The following SYNJ1 variants were observed in gnomAD, a reference collection of about 807,000 sequenced individuals.
SYNJ1 encodes the protein polyphosphatidylinositol phosphatase SYNJ1.
In SYNJ1, 78 loss-of-function variants were observed where a neutral mutation model predicts 168.2. That is an observed-to-expected ratio of 0.46 (90% CI 0.39 to 0.56). The LOEUF is 0.56. Among genes scored for constraint, SYNJ1 ranks in the 20% least tolerant of loss-of-function variants. The pLI, the probability that SYNJ1 is intolerant of heterozygous loss-of-function variation, is 0.00. For synonymous variants in SYNJ1, 539 were observed against 548.6 expected (o/e 0.98, Z 0.24); for missense variants, 1,303 against 1,597.6 (o/e 0.82, Z 3.14).
intron 27 of SYNJ1, 140 bp downstream of exon 27, chr21:32,643,270 T>A: frequency 1.3e-6 from 1 of 790,270 alleles, no homozygotes; most frequent in Non-Finnish European, 2.1e-6. Context: ...AAGGTATACA[T>A]AAGGAGGGGA....
chr21:32,699,750 T>G (rs2042332821), intron 4 of SYNJ1, 88 bp downstream of exon 4: 1 of 1,483,536 alleles, frequency 6.7e-7, no homozygotes, highest in Non-Finnish European at 9.1e-7. Context: ...CCTCCTTTCT[T>G]GCTGTCACGG....
chr21:32,658,837 G>A (rs1453576984), intron 18 of SYNJ1, among the ~76,000 whole-genome samples: 1 of 152,218 alleles, frequency 6.6e-6, no homozygotes, highest in Non-Finnish European at 1.5e-5. Flanking sequence ...GTTCCCACCT[G>A]CGAAGCAGTC....
intron 2 of SYNJ1, among the ~76,000 whole-genome samples, chr21:32,726,069 G>A (rs1430010583): frequency 3.9e-5 from 6 of 152,076 alleles, no homozygotes; most frequent in Non-Finnish European, 5.9e-5. Flanking sequence ...CAAACTCCCC[G>A]CCTCAAGCGA....
rs185835435 is a variant in SYNJ1, at chr21:32,691,480, C to T, written c.789+2748G>A. On this transcript the variant is annotated intron_variant, in intron 6 of 32. Transcript: ENST00000674351. ...TTACTCAGACTTGGGTATTTCTTTA[C>T]AGCAATGTGAGAATGGACTAATAAA... 1.2e-3 allele frequency among the ~76,000 whole-genome samples: 177 copies of T among 152,256 alleles called. 5 individuals are homozygous for T. Among genetic ancestry groups the T allele is most frequent in the Non-Finnish European group, 3.5e-4 (24 of 68,030 alleles).
At chr21:32,655,717 T>C (rs2040429417) in intron 21 of SYNJ1, among the ~76,000 whole-genome samples, 1 of 152,104 alleles carries the variant, frequency 6.6e-6, no homozygotes, top group South Asian at 2.1e-4. Flanking sequence ...ACTAAGCAAA[T>C]GAATGGTATT....
intron 2 of SYNJ1, among the ~76,000 whole-genome samples, chr21:32,720,824 T>C (rs900184556): frequency 7.9e-5 from 12 of 152,252 alleles, no homozygotes; most frequent in African/African-American, 2.9e-4. Flanking sequence ...ATCCTCCATT[T>C]CCCATATGTT....
chr21:32,688,282 A>G (rs1239224340), intron 7 of SYNJ1, 24 bp downstream of exon 7: 1 of 1,607,466 alleles, frequency 6.2e-7, no homozygotes, highest in Non-Finnish European at 8.5e-7. Context: ...CAAAACTTAA[A>G]GCACTATGTA....
chr21:32,639,770 G>A lies in SYNJ1; in HGVS notation c.3598C>T (p.Pro1200Ser), dbSNP rs1339413028. Residue 1200 changes from proline to serine, a missense_variant, in exon 30 of 33, where the codon CCT (proline) becomes TCT (serine). Around this residue, in one of 2 missense-constraint regions of SYNJ1, gnomAD observed 383 missense variants for 388.8 expected, o/e 0.99. Coordinates refer to ENST00000674351, the MANE Select transcript of SYNJ1 (RefSeq NM_203446.3). ...GYSTARPTIPPRAGVISAPQS... is the reference protein window; with the variant it reads ...GYSTARPTIPSRAGVISAPQS... ...GGGGCACTGATAACTCCAGCACGAG[G>A]AGGAATCGTCTACAGATAGGAAACA... 2.5e-6 allele frequency: 4 copies of A among 1,613,802 alleles called. No individual in the cohort carries two copies. The highest frequency in any genetic ancestry group is 3.3e-5 in the Admixed American group (2 of 59,992).
chr21:32,644,522 A>C (rs1261638425), intron 26 of SYNJ1, among the ~76,000 whole-genome samples: 2 of 152,254 alleles, frequency 1.3e-5, no homozygotes, highest in Non-Finnish European at 2.9e-5. Flanking sequence ...GAGCTCTGTG[A>C]GTTTTCATGT....
intron 2 of SYNJ1, among the ~76,000 whole-genome samples, chr21:32,703,730 T>C (rs1273707322): frequency 6.6e-6 from 1 of 151,944 alleles, no homozygotes; most frequent in East Asian, 1.9e-4. Context: ...GTTTTATTTT[T>C]ATTTTTATTT....
At chr21:32,692,043 G>C (rs1601438836) in intron 6 of SYNJ1, among the ~76,000 whole-genome samples, 1 of 152,298 alleles carries the variant, frequency 6.6e-6, no homozygotes, top group East Asian at 1.9e-4. Flanking sequence ...AGGAAGCAGG[G>C]CCTAGAGGGA....
intron 2 of SYNJ1, among the ~76,000 whole-genome samples, chr21:32,724,114 C>G (rs1478375048): frequency 1.3e-5 from 2 of 152,216 alleles, no homozygotes; most frequent in East Asian, 3.9e-4. Flanking sequence ...TAAAGGAGAT[C>G]AACACTGGAC....
chr21:32,667,554 T>G (rs1395841223), intron 15 of SYNJ1, among the ~76,000 whole-genome samples: 4 of 152,170 alleles, frequency 2.6e-5, no homozygotes, highest in African/African-American at 9.7e-5. Context: ...CATATTGCAT[T>G]TGCTTGTCAT....
intron 9 of SYNJ1, 120 bp downstream of exon 9, chr21:32,685,628 T>C (rs2041810797): frequency 3.2e-6 from 2 of 616,008 alleles, no homozygotes; most frequent in Non-Finnish European, 2.2e-6. Context: ...TAAAATGAAA[T>C]ATTTAAAAGA....
chr21:32,636,777 T>G (rs2039584960), intron 31 of SYNJ1, among the ~76,000 whole-genome samples: 1 of 152,072 alleles, frequency 6.6e-6, no homozygotes, highest in Non-Finnish European at 1.5e-5. Context: ...ACACTCTGCA[T>G]GTAAACAAGA....
chr21:32,667,760 C>T (rs1467974556), intron 15 of SYNJ1, among the ~76,000 whole-genome samples: 3 of 152,088 alleles, frequency 2.0e-5, no homozygotes, highest in African/African-American at 7.2e-5. Context: ...TTGAGACTTC[C>T]AACACTTCCC....
intron 23 of SYNJ1, among the ~76,000 whole-genome samples, chr21:32,648,872 A>G (rs556624943): frequency 4.0e-5 from 6 of 151,780 alleles, no homozygotes; most frequent in African/African-American, 1.2e-4. Flanking sequence ...TCCCACACCT[A>G]CTTCTCTCTC....
intron 15 of SYNJ1, among the ~76,000 whole-genome samples, chr21:32,668,418 T>G (rs924953558): frequency 6.6e-6 from 1 of 152,128 alleles, no homozygotes; most frequent in African/African-American, 2.4e-5. Context: ...TAAACTCTAT[T>G]TAGACAAACA....
intron 10 of SYNJ1, among the ~76,000 whole-genome samples, chr21:32,683,291 A>G (rs2041691217): frequency 6.6e-6 from 1 of 151,954 alleles, no homozygotes; most frequent in African/African-American, 2.4e-5. Context: ...TTTGTCAAAG[A>G]GTTGAGACTA....
Sources: gnomAD v4.1 joint callset for allele counts (sites outside exome capture counted in the v4.1 genomes callset) on GRCh38, gnomAD v4.1.1 for gene constraint, gnomAD v4.1.1 regional missense constraint, MANE v1.5 for transcripts, NCBI Gene and HGNC (gene_info 2026-07-23, HGNC 2026-07-21) for gene names.